Variants in OXR1 observed in about 807,000 individuals in gnomAD.
OXR1 encodes the protein oxidation resistance 1, also known as oxidation resistance protein 1.
OXR1 carries 41 observed loss-of-function variants against 104.6 expected under a neutral mutation model. The ratio of observed to expected loss-of-function variants is 0.39; its 90% CI spans 0.31 to 0.51. OXR1 has a LOEUF of 0.51. Among genes scored for constraint, OXR1 ranks in the 20% least tolerant of loss-of-function variants. The pLI is 0.77. For synonymous variants in OXR1, 348 were observed against 348.4 expected, an observed-to-expected ratio of 1.00 and a Z score of 0.01; for missense variants, 955 against 1,031.9, an observed-to-expected ratio of 0.93 and a Z score of 1.02.
At chr8:106,721,463 G>C (rs1475317861) in intron 11 of OXR1, among the ~76,000 whole-genome samples, 1 of 151,862 alleles carries the variant, frequency 6.6e-6, no homozygotes, top group African/African-American at 2.4e-5. Flanking sequence ...GTGTTGATAG[G>C]GTGTGTAACA....
intron 2 of OXR1, among the ~76,000 whole-genome samples, chr8:106,496,802 C>T (rs1811443791): frequency 6.6e-6 from 1 of 152,198 alleles, no homozygotes; most frequent in Non-Finnish European, 1.5e-5. Flanking sequence ...TTATGATTCC[C>T]TTGCTTGCAG....
chr8:106,519,822 A>G (rs1015119631), intron 3 of OXR1, among the ~76,000 whole-genome samples: 1 of 152,176 alleles, frequency 6.6e-6, no homozygotes, highest in Non-Finnish European at 1.5e-5. Context: ...ATTTAATCAG[A>G]CAGTTGTAGG....
At chr8:106,645,418 T>C (rs1304136913) in intron 3 of OXR1, among the ~76,000 whole-genome samples, 3 of 152,168 alleles carry the variant, frequency 2.0e-5, no homozygotes, top group Non-Finnish European at 4.4e-5. Flanking sequence ...GCTTCTCTCT[T>C]GAGAGGCAAT....
chr8:106,578,252 C>T (rs1356081054), intron 3 of OXR1, among the ~76,000 whole-genome samples: 2 of 152,098 alleles, frequency 1.3e-5, no homozygotes, highest in East Asian at 1.9e-4. Flanking sequence ...GCTGCCTAGC[C>T]CCTGAGTCAG....
chr8:106,592,996 A>G (rs1392658360), intron 3 of OXR1, among the ~76,000 whole-genome samples: 1 of 152,188 alleles, frequency 6.6e-6, no homozygotes, highest in African/African-American at 2.4e-5. Context: ...TCCTCTGTTT[A>G]GAATCCCTTC....
At chr8:106,679,617 A>G (rs991787046) in intron 4 of OXR1, among the ~76,000 whole-genome samples, 1 of 152,078 alleles carries the variant, frequency 6.6e-6, no homozygotes, top group Non-Finnish European at 1.5e-5. Context: ...TCTTCATTAT[A>G]TTCGCAGCAG....
intron 2 of OXR1, among the ~76,000 whole-genome samples, chr8:106,368,345 C>T (rs188064963): frequency 1.3e-5 from 2 of 152,048 alleles, no homozygotes; most frequent in Admixed American, 6.6e-5. Flanking sequence ...AGAGATTCAA[C>T]AAATCTGACA....
At chr8:106,605,491 A>G (rs2130772647) in intron 3 of OXR1, among the ~76,000 whole-genome samples, 1 of 152,248 alleles carries the variant, frequency 6.6e-6, no homozygotes, top group South Asian at 2.1e-4. Flanking sequence ...GAACAAAGGC[A>G]TTCCTAAAAT....
intron 6 of OXR1, among the ~76,000 whole-genome samples, chr8:106,688,365 A>G (rs1436359920): frequency 1.3e-5 from 2 of 152,096 alleles, no homozygotes; most frequent in Non-Finnish European, 2.9e-5. Context: ...TATGATAAAA[A>G]TAGAATATTA....
chr8:106,618,299 G>T (rs1821410972), intron 3 of OXR1: 1 of 840,342 alleles, frequency 1.2e-6, no homozygotes, highest in East Asian at 2.6e-5. Context: ...GAGCTGTATG[G>T]ATCTGTGACG....
chr8:106,536,638 T>G (rs1329128502), intron 3 of OXR1, among the ~76,000 whole-genome samples: 2 of 152,218 alleles, frequency 1.3e-5, no homozygotes, highest in Admixed American at 1.3e-4. Context: ...TTTTTAATTT[T>G]TGTGGGTACA....
At chr8:106,486,963 T>G (rs577073303) in intron 2 of OXR1, among the ~76,000 whole-genome samples, 13 of 152,016 alleles carry the variant, frequency 8.6e-5, no homozygotes, top group African/African-American at 3.1e-4. Flanking sequence ...CAGCTTTGGG[T>G]AATAGTGGGT....
At chr8:106,404,937 C>T (rs1293897976) in intron 2 of OXR1, among the ~76,000 whole-genome samples, 1 of 151,916 alleles carries the variant, frequency 6.6e-6, no homozygotes, top group African/African-American at 2.4e-5. Context: ...GATCACCTGA[C>T]CTAGGGATCC....
chr8:106,309,424 C>T (rs1441115617), intron 1 of OXR1, among the ~76,000 whole-genome samples: 2 of 152,102 alleles, frequency 1.3e-5, no homozygotes, highest in Non-Finnish European at 2.9e-5. Context: ...ACGACATTTA[C>T]ATAGACGATA....
chr8:106,734,381 C>T (rs1310897522), intron 11 of OXR1, among the ~76,000 whole-genome samples: 1 of 152,092 alleles, frequency 6.6e-6, no homozygotes, highest in East Asian at 1.9e-4. Context: ...CCTTCTTTAA[C>T]ATATTTTTTG....
At chr8:106,390,500 A>G (rs1338475069) in intron 2 of OXR1, among the ~76,000 whole-genome samples, 1 of 152,190 alleles carries the variant, frequency 6.6e-6, no homozygotes, top group African/African-American at 2.4e-5. Context: ...TACTTTATGC[A>G]TAAGGAAACT....
intron 2 of OXR1, among the ~76,000 whole-genome samples, chr8:106,399,421 C>T (rs183609521): frequency 6.6e-6 from 1 of 152,050 alleles, no homozygotes; most frequent in Non-Finnish European, 1.5e-5. Flanking sequence ...GTTCTTATAG[C>T]TTGTTTTGGA....
At chr8:106,712,556 G>A (rs1420047574) in intron 10 of OXR1, among the ~76,000 whole-genome samples, 4 of 152,094 alleles carry the variant, frequency 2.6e-5, no homozygotes, top group African/African-American at 4.8e-5. Context: ...TTGGAGATAC[G>A]CGAATTGATT....
At chr8:106,487,885 G>A (rs996860417) in intron 2 of OXR1, among the ~76,000 whole-genome samples, 17 of 151,830 alleles carry the variant, frequency 1.1e-4, no homozygotes, top group Non-Finnish European at 2.2e-4. Flanking sequence ...ATAAACATAC[G>A]TATGCATGTG....
Sources: allele counts gnomAD v4.1 joint callset (sites outside exome capture counted in the v4.1 genomes callset), GRCh38; gene constraint gnomAD v4.1.1; transcripts MANE v1.5; gene names NCBI Gene and HGNC (gene_info 2026-07-23, HGNC 2026-07-21).